The following PIGN variants were observed in gnomAD, a reference collection of about 807,000 sequenced individuals.
The protein encoded by PIGN is phosphatidylinositol glycan anchor biosynthesis class N, also known as GPI ethanolamine phosphate transferase 1.
In PIGN, 117 loss-of-function variants were observed where a neutral mutation model predicts 125.4. The ratio of observed to expected loss-of-function variants is 0.93; its 90% CI spans 0.80 to 1.09. PIGN has a LOEUF of 1.09. Among genes scored for constraint, PIGN ranks in the 50% least tolerant of loss-of-function variants. The pLI is 0.00. For missense variants in PIGN, 1,075 were observed against 1,094.9 expected, an observed-to-expected ratio of 0.98 and a Z score of 0.26; for synonymous variants, 392 against 377.8, an observed-to-expected ratio of 1.04 and a Z score of -0.44.
At position 62,062,492 on chromosome 18, in the gene PIGN, G is replaced by A. The variant is rs965856975; in HGVS notation, c.2672+10181C>T. Among the ~76,000 whole-genome samples, 3 of 152,126 alleles carry A rather than the reference G, an allele frequency of 2.0e-5. No homozygotes were observed. In the East Asian group the frequency reaches 5.8e-4, roughly 29 times the overall value. On this transcript the variant is annotated intron_variant, in intron 30 of 30. Transcript: ENST00000640252. The stretch of plus-strand genomic sequence containing the variant: ...TAAGGTTTAACATAACTTATTAACT[G>A]GCTGTGCCTTTGTCTTCTTCTTATC...
At chr18:62,029,406 G>A (rs1275467185) in intron 23 of PIGN, among the ~76,000 whole-genome samples, 1 of 152,166 alleles carries the variant, frequency 6.6e-6, no homozygotes, top group Non-Finnish European at 1.5e-5. Flanking sequence ...CCTCACAGCT[G>A]AGTCACAAGG....
Position 62,053,348 on chromosome 18 carries a change from A to T in PIGN, c.2673-7369T>A, listed in dbSNP as rs542424683. On this transcript the variant is annotated intron_variant, in intron 30 of 30. Transcript: ENST00000640252. ...CACAGAAAAGTAAAAAAATAATTCT[A>T]TAAAATGTTCAAGTAATACACTGGA... Among the ~76,000 whole-genome samples, 7 of 152,360 alleles carry T rather than the reference A, an allele frequency of 4.6e-5. No homozygotes were observed. The South Asian group carries it at 1.4e-3, about 32-fold the overall frequency.
chr18:62,084,436 T>TGCC, intron 27 of PIGN, 95 bp downstream of exon 27: 1 of 751,466 alleles, frequency 1.3e-6, no homozygotes, highest in Non-Finnish European at 2.2e-6. Context: ...TCTGAAAGGA[T>TGCC]ATCTTCTTTC....
At chr18:62,091,220 C>T (rs985120217) in intron 23 of PIGN, among the ~76,000 whole-genome samples, 6 of 151,962 alleles carry the variant, frequency 3.9e-5, no homozygotes, top group South Asian at 4.1e-4. Flanking sequence ...TGGTGGTGTG[C>T]GCCTGCCCAG....
rs749767509 is a variant in PIGN at position 62,139,049 on chromosome 18, G to A, written c.1050C>T (p.Asn350=). The A allele has an allele frequency of 1.2e-6, 2 of 1,605,542 alleles. No individual in the cohort carries two copies. Among genetic ancestry groups the A allele is most frequent in the Admixed American group, 3.4e-5 (2 of 59,480 alleles). Residue 350 remains asparagine (N), a synonymous_variant, in exon 13 of 31, where the codon AAC becomes AAT. Coordinates refer to ENST00000640252, the MANE Select transcript of PIGN (RefSeq NM_176787.5). ...SVGILPVDYL[N]NTDLFKAESM... Reference sequence around the variant, plus strand: ...TCTCTGCTTTGAAGAGATCAGTGTTGTTAAGATAATCCACAGGAAGGATTC... The same window carrying A: ...TCTCTGCTTTGAAGAGATCAGTGTTATTAAGATAATCCACAGGAAGGATTC...
chr18:62,180,618 T>G (rs1435742894), intron 1 of PIGN, among the ~76,000 whole-genome samples: 7 of 152,184 alleles, frequency 4.6e-5, no homozygotes, highest in African/African-American at 9.6e-5. Flanking sequence ...TTTCATGTTT[T>G]TATTGGCCAA....
chr18:62,054,630 C>G (rs2031587764), intron 30 of PIGN, among the ~76,000 whole-genome samples: 1 of 151,426 alleles, frequency 6.6e-6, no homozygotes, highest in South Asian at 2.1e-4. Flanking sequence ...TAGCTGAGAC[C>G]ACAGGCATGC....
At chr18:62,135,426 T>A (rs991205322) in intron 14 of PIGN, among the ~76,000 whole-genome samples, 1 of 151,928 alleles carries the variant, frequency 6.6e-6, no homozygotes, top group African/African-American at 2.4e-5. Flanking sequence ...GAATCAGCCA[T>A]CCCGCCAGAC....
intron 30 of PIGN, chr18:62,052,230 G>A (rs1217190294): frequency 6.6e-6 from 1 of 151,782 alleles, no homozygotes. Context: ...ACTTGGTGCA[G>A]AGCTGAGTTC....
intron 1 of PIGN, among the ~76,000 whole-genome samples, chr18:62,178,681 T>C (rs2037612813): frequency 6.6e-6 from 1 of 152,060 alleles, no homozygotes; most frequent in Non-Finnish European, 1.5e-5. Context: ...AGATAAACTA[T>C]TAAGCCATAT....
intron 23 of PIGN, among the ~76,000 whole-genome samples, chr18:62,091,944 T>C (rs2033981207): frequency 1.3e-5 from 2 of 152,226 alleles, no homozygotes; most frequent in Admixed American, 1.3e-4. Flanking sequence ...AACAAAGCCT[T>C]ATTTCCTTTT....
At chr18:62,166,563 C>T (rs574660407) in intron 1 of PIGN, among the ~76,000 whole-genome samples, 2 of 152,058 alleles carry the variant, frequency 1.3e-5, no homozygotes, top group East Asian at 1.9e-4. Context: ...GGGTATATAC[C>T]CAAAGGATTA....
chr18:62,054,319 A>C (rs531641299), intron 30 of PIGN, among the ~76,000 whole-genome samples: 1 of 152,078 alleles, frequency 6.6e-6, no homozygotes, highest in African/African-American at 2.4e-5. Flanking sequence ...TCCTAGTCTT[A>C]ATACAAAAAG....
chr18:62,080,924 T>G (rs1026234813), intron 28 of PIGN, among the ~76,000 whole-genome samples: 6 of 152,184 alleles, frequency 3.9e-5, no homozygotes, highest in Non-Finnish European at 1.5e-5. Context: ...TACCCAAAAT[T>G]TACAAGGTTT....
At chr18:62,070,678 G>A (rs909857551) in intron 30 of PIGN, among the ~76,000 whole-genome samples, 4 of 152,128 alleles carry the variant, frequency 2.6e-5, no homozygotes, top group African/African-American at 9.7e-5. Flanking sequence ...AGGCAAAAGG[G>A]TCAATTTTGC....
At chr18:62,151,902 C>T (rs2036549838) in intron 7 of PIGN, among the ~76,000 whole-genome samples, 1 of 152,192 alleles carries the variant, frequency 6.6e-6, no homozygotes, top group South Asian at 2.1e-4. Flanking sequence ...CGAAGAGTCA[C>T]ACTCTATAAA....
At chr18:62,049,678 T>C (rs955527543) in intron 30 of PIGN, among the ~76,000 whole-genome samples, 4 of 150,054 alleles carry the variant, frequency 2.7e-5, no homozygotes, top group Admixed American at 6.7e-5. Context: ...TAGTTTCTTT[T>C]GCTGTGAAGA....
At chr18:62,145,652 CA>C (rs2036299896) in intron 10 of PIGN, among the ~76,000 whole-genome samples, 1 of 152,026 alleles carries the variant, frequency 6.6e-6, no homozygotes, top group South Asian at 2.1e-4. Flanking sequence ...AAAAGAACAT[CA>C]AAAGTTCAGT....
Position 62,143,366 on chromosome 18 carries a change from AC to A in PIGN, c.923-21del. ...TCCACTCTGAAAGATACAATCAGAC[AC>A]AAGATCTGATGTTAAGATTTAAAAA... On this transcript the variant is annotated intron_variant, in intron 10 of 30. Coordinates refer to ENST00000640252, the MANE Select transcript of PIGN (RefSeq NM_176787.5). The A allele has an allele frequency of 7.0e-7, 1 of 1,429,158 alleles. No individual in the cohort carries two copies. The allele number at this position is 1,429,158 out of a possible 1,614,324, so 88.5% of individuals were successfully genotyped here.
Sources: allele counts gnomAD v4.1 joint callset (sites outside exome capture counted in the v4.1 genomes callset), GRCh38; gene constraint gnomAD v4.1.1; transcripts MANE v1.5; gene names NCBI Gene and HGNC (gene_info 2026-07-23, HGNC 2026-07-21).